Variants in DSCAM observed in about 807,000 individuals in gnomAD.
DSCAM encodes the protein DS cell adhesion molecule.
DSCAM carries 47 observed loss-of-function variants against 217.7 expected under a neutral mutation model. The observed-to-expected ratio is 0.22, with a 90% CI of 0.17 to 0.28. The LOEUF (loss-of-function observed/expected upper bound fraction) is 0.28. DSCAM is among the 10% of genes least tolerant of loss of function. DSCAM has a pLI of 1.00. For missense variants in DSCAM, 2,080 were observed against 2,618.3 expected (o/e 0.79, Z 4.49); for synonymous variants, 1,056 against 1,015.3 (o/e 1.04, Z -0.76).
Position 40,048,768 on chromosome 21 carries a change from C to T in DSCAM, c.5185+3190G>A, listed in dbSNP as rs531401458. ...AAACTGTGGTGAGAAGAACCGGCTCCATGGAATTCACAGAGGTATAAACAC... is the reference window on the plus strand; with the variant it reads ...AAACTGTGGTGAGAAGAACCGGCTCTATGGAATTCACAGAGGTATAAACAC... On this transcript the variant is annotated intron_variant, in intron 30 of 32. Coordinates refer to ENST00000400454, the MANE Select transcript of DSCAM (RefSeq NM_001389.5). Among the ~76,000 whole-genome samples the T allele has an allele frequency of 3.1e-4, 47 of 152,248 alleles. No individual in the cohort carries two copies. In the South Asian group the frequency reaches 9.6e-3, roughly 31 times the overall value.
At chr21:40,643,308 G>A (rs1306145785) in intron 3 of DSCAM, among the ~76,000 whole-genome samples, 1 of 152,096 alleles carries the variant, frequency 6.6e-6, no homozygotes, top group African/African-American at 2.4e-5. Flanking sequence ...TCTCTAGCTT[G>A]GAGAAACAAC....
chr21:40,809,156 A>T (rs1427579950), intron 1 of DSCAM, among the ~76,000 whole-genome samples: 1 of 152,126 alleles, frequency 6.6e-6, no homozygotes, highest in East Asian at 1.9e-4. Flanking sequence ...TGATAGCAGA[A>T]GTTCCAGGGT....
chr21:40,614,346 G>C (rs2089358678), intron 3 of DSCAM, among the ~76,000 whole-genome samples: 1 of 152,136 alleles, frequency 6.6e-6, no homozygotes, highest in Non-Finnish European at 1.5e-5. Flanking sequence ...ATACCAGTAA[G>C]GTTTTGTTTA....
chr21:40,559,326 C>T (rs540580972), intron 3 of DSCAM, among the ~76,000 whole-genome samples: 1 of 151,954 alleles, frequency 6.6e-6, no homozygotes, highest in Non-Finnish European at 1.5e-5. Context: ...GGCGCGGTGG[C>T]GGGCGCCTGT....
At chr21:40,564,471 C>T (rs1440502268) in intron 3 of DSCAM, among the ~76,000 whole-genome samples, 1 of 152,128 alleles carries the variant, frequency 6.6e-6, no homozygotes, top group African/African-American at 2.4e-5. Flanking sequence ...GTTGACCTCC[C>T]ACCACCCTCC....
At chr21:40,402,931 G>A (rs968990711) in intron 3 of DSCAM, among the ~76,000 whole-genome samples, 1 of 151,928 alleles carries the variant, frequency 6.6e-6, no homozygotes, top group African/African-American at 2.4e-5. Flanking sequence ...AGGAAAAAAT[G>A]AATTAACACA....
At chr21:40,420,558 A>C (rs1030178367) in intron 3 of DSCAM, among the ~76,000 whole-genome samples, 1 of 152,202 alleles carries the variant, frequency 6.6e-6, no homozygotes, top group Non-Finnish European at 1.5e-5. Flanking sequence ...TATGGGTTGA[A>C]TTCTGTTTCC....
chr21:40,762,390 C>T (rs1036843426), intron 1 of DSCAM, among the ~76,000 whole-genome samples: 4 of 152,094 alleles, frequency 2.6e-5, no homozygotes, highest in African/African-American at 9.7e-5. Flanking sequence ...TGGACACATA[C>T]ACCCTCCCAA....
At chr21:40,282,084 G>A (rs764023433) in intron 10 of DSCAM, among the ~76,000 whole-genome samples, 6 of 152,120 alleles carry the variant, frequency 3.9e-5, no homozygotes, top group Non-Finnish European at 8.8e-5. Flanking sequence ...GTGTTCATTA[G>A]TGTGAGGATA....
intron 2 of DSCAM, among the ~76,000 whole-genome samples, chr21:40,698,488 G>C (rs998821186): frequency 4.6e-5 from 7 of 152,188 alleles, no homozygotes; most frequent in African/African-American, 7.2e-5. Flanking sequence ...ATGAGGAACT[G>C]GGGGAGGGAC....
intron 1 of DSCAM, among the ~76,000 whole-genome samples, chr21:40,783,870 C>G: frequency 6.6e-6 from 1 of 152,140 alleles, no homozygotes; most frequent in East Asian, 1.9e-4. Flanking sequence ...CTCAAAGTAG[C>G]CTAAAAAATC....
In DSCAM at chr21:40,338,374, G is replaced by A. The variant is rs199647891; in HGVS notation, c.1510C>T (p.Pro504Ser). 1 of 1,608,630 alleles carries A rather than the reference G, an allele frequency of 6.2e-7. No homozygotes were observed. Among genetic ancestry groups the A allele is most frequent in the Non-Finnish European group, 8.5e-7 (1 of 1,175,688 alleles). The change falls in exon 8 of 33, where the codon CCT becomes TCT. Residue 504 changes from proline to serine, a missense_variant and splice_region_variant. By Grantham distance (74) the Pro-to-Ser change is moderately conservative. Coordinates refer to ENST00000400454, the MANE Select transcript of DSCAM (RefSeq NM_001389.5). ...TTTTTCATTGGTCGAATGCTTGCAG[G>A]CCCTGGAGAGACACAAAGAAACTCT... is the stretch of plus-strand genomic sequence containing the variant. Reference protein sequence around the residue: ...LYQARINVRGPASIRPMKNIT... With the variant: ...LYQARINVRGSASIRPMKNIT...
At chr21:40,615,281 C>CAAAAAAAAAAAAAA (rs34306422) in intron 3 of DSCAM, 1 of 84,036 alleles carries the variant, frequency 1.2e-5, no homozygotes. Context: ...GACTCTGTCT[C>CAAAAAAAAAAAAAA]AAAAAAAAAA....
Position 40,846,674 on chromosome 21 carries a change from C to T in DSCAM, c.-13G>A. On this transcript the variant is annotated 5_prime_UTR_variant, in exon 1 of 33. Transcript: ENST00000400454. ...CCAGTATCCACATGCCCCTGCCGCTCCCCGGCCTCCCGCGAGCGACGCGCC... is the reference window on the plus strand; with the variant it reads ...CCAGTATCCACATGCCCCTGCCGCTTCCCGGCCTCCCGCGAGCGACGCGCC... 1 of 1,199,486 alleles carries T rather than the reference C, an allele frequency of 8.3e-7. No homozygotes were observed. Among genetic ancestry groups the T allele is most frequent in the Non-Finnish European group, 1.0e-6 (1 of 953,168 alleles). The allele number at this position is 1,199,486 out of a possible 1,614,324, so 74.3% of individuals were successfully genotyped here. A position where few individuals can be genotyped will look rare whatever the true frequency, so the allele number is the denominator to read the frequency against.
At chr21:40,384,384 GATC>G (rs2075059816) in intron 3 of DSCAM, among the ~76,000 whole-genome samples, 1 of 152,076 alleles carries the variant, frequency 6.6e-6, no homozygotes, top group Non-Finnish European at 1.5e-5. Flanking sequence ...TAGGTGGGTG[GATC>G]ATCAGAGGTC....
chr21:40,156,594 AGCAACTTTGGAACTGG>A (rs1226921328), intron 16 of DSCAM, among the ~76,000 whole-genome samples: 1 of 152,214 alleles, frequency 6.6e-6, no homozygotes, highest in Non-Finnish European at 1.5e-5. Context: ...AAAATATGGA[AGCAACTTTGGAACTGG>A]GTAATGAGCT....
At chr21:40,453,012 C>T (rs1282935303) in intron 3 of DSCAM, among the ~76,000 whole-genome samples, 3 of 144,832 alleles carry the variant, frequency 2.1e-5, no homozygotes, top group African/African-American at 5.1e-5. Flanking sequence ...AACATGGCTG[C>T]CTCTCTGGTT....
chr21:40,120,080 A>G (rs896104156), intron 20 of DSCAM, among the ~76,000 whole-genome samples: 1 of 152,072 alleles, frequency 6.6e-6, no homozygotes. Context: ...CTCCCAGAAG[A>G]CTTGTTTAAT....
At chr21:40,127,349 A>T (rs2090105371) in intron 19 of DSCAM, among the ~76,000 whole-genome samples, 1 of 152,176 alleles carries the variant, frequency 6.6e-6, no homozygotes, top group African/African-American at 2.4e-5. Context: ...GGAGTAAAAA[A>T]CGGTATATGT....
Sources: gnomAD v4.1 joint callset for allele counts (sites outside exome capture counted in the v4.1 genomes callset) on GRCh38, gnomAD v4.1.1 for gene constraint, MANE v1.5 for transcripts, NCBI Gene and HGNC (gene_info 2026-07-23, HGNC 2026-07-21) for gene names.